The following ST6GALNAC3 variants were observed in gnomAD, a reference collection of about 807,000 sequenced individuals.
ST6GALNAC3 encodes ST6 N-acetylgalactosaminide alpha-2,6-sialyltransferase 3, also known as alpha-N-acetylgalactosaminide alpha-2,6-sialyltransferase 3.
In ST6GALNAC3, 25 loss-of-function variants were observed where a neutral mutation model predicts 32.7. That is an observed-to-expected ratio of 0.76 (90% confidence interval 0.56 to 1.07). The LOEUF is 1.07. Ranked by LOEUF, ST6GALNAC3 falls within the 50% of genes least tolerant of loss-of-function variation. The pLI, the probability that ST6GALNAC3 is intolerant of heterozygous loss-of-function variation, is 0.00. For synonymous variants in ST6GALNAC3, 129 were observed against 133.1 expected (o/e 0.97, Z 0.21); for missense variants, 355 against 382.4 (o/e 0.93, Z 0.60).
chr1:76,515,545 T>A (rs1328789871), intron 3 of ST6GALNAC3, among the ~76,000 whole-genome samples: 1 of 152,190 alleles, frequency 6.6e-6, no homozygotes. Flanking sequence ...GATGTAGGCA[T>A]TTATTGCTAT....
chr1:76,490,358 G>A (rs1660417764), intron 3 of ST6GALNAC3, among the ~76,000 whole-genome samples: 1 of 151,640 alleles, frequency 6.6e-6, no homozygotes, highest in South Asian at 2.1e-4. Context: ...TTAGTAGGTT[G>A]GCCTTGGAAA....
At chr1:76,502,883 A>G (rs901830473) in intron 3 of ST6GALNAC3, among the ~76,000 whole-genome samples, 2 of 152,206 alleles carry the variant, frequency 1.3e-5, no homozygotes, top group African/African-American at 4.8e-5. Context: ...ACAAAAGTTA[A>G]TAAGTGAGAA....
At chr1:76,341,605 TTTTCTTTCTTTCTTTCTTTCTTTCTTTC>T (rs61587390) in intron 2 of ST6GALNAC3, among the ~76,000 whole-genome samples, 5 of 91,186 alleles carry the variant, frequency 5.5e-5, no homozygotes, top group East Asian at 3.4e-4. Flanking sequence ...TCCAAACTGC[TTTTCTTTCTTTCTTTCTTTCTTTCTTTC>T]TTTCTTTCTT....
At chr1:76,507,739 C>A (rs1297997279) in intron 3 of ST6GALNAC3, among the ~76,000 whole-genome samples, 10 of 150,598 alleles carry the variant, frequency 6.6e-5, no homozygotes, top group African/African-American at 2.5e-4. Context: ...TATGAACATT[C>A]CTTTACAACT....
chr1:76,178,941 A>T (rs1570328028), intron 1 of ST6GALNAC3, among the ~76,000 whole-genome samples: 1 of 152,154 alleles, frequency 6.6e-6, no homozygotes, highest in South Asian at 2.1e-4. Flanking sequence ...TGGCTGTTCC[A>T]TCCCCATGTG....
intron 2 of ST6GALNAC3, among the ~76,000 whole-genome samples, chr1:76,380,575 G>A (rs1395584970): frequency 6.6e-6 from 1 of 152,144 alleles, no homozygotes; most frequent in Non-Finnish European, 1.5e-5. Context: ...TCCACCAACA[G>A]TAGAATAGAT....
intron 1 of ST6GALNAC3, among the ~76,000 whole-genome samples, chr1:76,236,139 G>T (rs116275709): frequency 0.012 from 1,758 of 152,098 alleles, 39 homozygotes; most frequent in African/African-American, 0.04. Flanking sequence ...ATAGAGACAG[G>T]GTTTCGCCAT....
chr1:76,587,184 G>A (rs1046034880), intron 3 of ST6GALNAC3, among the ~76,000 whole-genome samples: 1 of 152,182 alleles, frequency 6.6e-6, no homozygotes, highest in African/African-American at 2.4e-5. Flanking sequence ...GCTAGCTACA[G>A]TCCCTTAAAT....
At chr1:76,143,392 C>CGTGTGTGTGTGTGTGTGTGTGTGTGT (rs4034974) in intron 1 of ST6GALNAC3, among the ~76,000 whole-genome samples, 1 of 142,350 alleles carries the variant, frequency 7.0e-6, no homozygotes, top group Non-Finnish European at 1.5e-5. Flanking sequence ...CTTACCAAGT[C>CGTGTGTGTGTGTGTGTGTGTGTGTGT]GTGTGTGTGT....
At chr1:76,251,274 A>G (rs1375203729) in intron 1 of ST6GALNAC3, among the ~76,000 whole-genome samples, 2 of 152,234 alleles carry the variant, frequency 1.3e-5, no homozygotes, top group African/African-American at 2.4e-5. Context: ...CCTAAATAAT[A>G]CAAGTTAAGG....
intron 3 of ST6GALNAC3, among the ~76,000 whole-genome samples, chr1:76,434,330 A>T (rs1376204744): frequency 6.6e-6 from 1 of 152,222 alleles, no homozygotes; most frequent in Non-Finnish European, 1.5e-5. Flanking sequence ...ATGGTATTTC[A>T]TGACTATAAA....
chr1:76,626,865 A>G lies in ST6GALNAC3; in HGVS notation c.624-587A>G, dbSNP rs116151417. ...ATGTAGCTTGTTCAATGGAAATACAATGAAGAAGTTGGTAACATAGGTCTT... is the reference window on the plus strand; with the variant it reads ...ATGTAGCTTGTTCAATGGAAATACAGTGAAGAAGTTGGTAACATAGGTCTT... On this transcript the variant is annotated intron_variant, in intron 3 of 4. Transcript: ENST00000328299. 9.9e-3 allele frequency among the ~76,000 whole-genome samples: 1,505 copies of G among 152,068 alleles called. 24 individuals carry two copies. Among genetic ancestry groups the G allele is most frequent in the African/African-American group, 0.032 (1,327 of 41,506 alleles).
At chr1:76,580,923 AG>A (rs1231534777) in intron 3 of ST6GALNAC3, among the ~76,000 whole-genome samples, 2 of 151,944 alleles carry the variant, frequency 1.3e-5, no homozygotes, top group Non-Finnish European at 2.9e-5. Context: ...AATTTTGACA[AG>A]CACCAAAGCA....
At chr1:76,355,624 G>A (rs1649376888) in intron 2 of ST6GALNAC3, among the ~76,000 whole-genome samples, 1 of 152,192 alleles carries the variant, frequency 6.6e-6, no homozygotes. Flanking sequence ...CATAGCCCGA[G>A]AGGAAACTTT....
At chr1:76,117,842 T>C (rs1648587428) in intron 1 of ST6GALNAC3, among the ~76,000 whole-genome samples, 1 of 152,206 alleles carries the variant, frequency 6.6e-6, no homozygotes, top group Non-Finnish European at 1.5e-5. Flanking sequence ...GTCTACATGC[T>C]AGATGACTTC....
intron 3 of ST6GALNAC3, among the ~76,000 whole-genome samples, chr1:76,569,066 T>C (rs1665713375): frequency 6.6e-6 from 1 of 152,118 alleles, no homozygotes; most frequent in African/African-American, 2.4e-5. Context: ...GATATGCATT[T>C]TGCAGAATAA....
intron 1 of ST6GALNAC3, among the ~76,000 whole-genome samples, chr1:76,163,612 A>G (rs1024896073): frequency 6.6e-6 from 1 of 152,190 alleles, no homozygotes; most frequent in Non-Finnish European, 1.5e-5. Flanking sequence ...GTGTCTTACA[A>G]TAAATGGCAT....
chr1:76,129,980 C>T (rs941892226), intron 1 of ST6GALNAC3, among the ~76,000 whole-genome samples: 6 of 152,160 alleles, frequency 3.9e-5, no homozygotes, highest in African/African-American at 1.4e-4. Flanking sequence ...TCTCGGATTA[C>T]ACCCATGGAT....
chr1:76,518,849 G>A (rs1286906348), intron 3 of ST6GALNAC3, among the ~76,000 whole-genome samples: 1 of 152,074 alleles, frequency 6.6e-6, no homozygotes, highest in Non-Finnish European at 1.5e-5. Context: ...CGGATTACTG[G>A]AGGTCAGAAG....
Sources: gnomAD v4.1 joint callset for allele counts (sites outside exome capture counted in the v4.1 genomes callset) on GRCh38, gnomAD v4.1.1 for gene constraint, MANE v1.5 for transcripts, NCBI Gene and HGNC (gene_info 2026-07-23, HGNC 2026-07-21) for gene names.